Variants in RGS22 observed in about 807,000 individuals in gnomAD.
RGS22 encodes regulator of G protein signaling 22.
In RGS22, 148 loss-of-function variants were observed where a neutral mutation model predicts 172.9. The ratio of observed to expected loss-of-function variants is 0.86; its 90% CI spans 0.75 to 0.98. RGS22 has a LOEUF of 0.98. RGS22 is among the 50% of genes least tolerant of loss of function. RGS22 has a pLI of 0.00. For missense variants in RGS22, 1,347 were observed against 1,440.8 expected, an observed-to-expected ratio of 0.93 and a Z score of 1.05; for synonymous variants, 458 against 480.2, an observed-to-expected ratio of 0.95 and a Z score of 0.60.
intron 18 of RGS22, among the ~76,000 whole-genome samples, chr8:99,999,741 A>G (rs1814825674): frequency 6.6e-6 from 1 of 152,216 alleles, no homozygotes; most frequent in Non-Finnish European, 1.5e-5. Flanking sequence ...AGTATCTCCA[A>G]CTGAAAAATG....
chr8:99,979,238 C>T lies in RGS22; in HGVS notation c.3361-1163G>A, dbSNP rs542022764. Among the ~76,000 whole-genome samples, 24 of 152,264 alleles carry T rather than the reference C, an allele frequency of 1.6e-4. No individual in the cohort carries two copies. In the East Asian group the frequency reaches 4.6e-3, roughly 29 times the overall value. On this transcript the variant is annotated intron_variant, in intron 22 of 27. Coordinates refer to ENST00000360863, the MANE Select transcript of RGS22 (RefSeq NM_015668.5). Reference sequence around the variant, plus strand: ...TACTCCTCCTCCTCTATTAATCATACTTCTCAGTTATCTTTCTAAAACCTG... The same window carrying T: ...TACTCCTCCTCCTCTATTAATCATATTTCTCAGTTATCTTTCTAAAACCTG...
chr8:99,980,781 T>C (rs904373443), intron 22 of RGS22, among the ~76,000 whole-genome samples: 5 of 152,326 alleles, frequency 3.3e-5, no homozygotes, highest in South Asian at 2.1e-4. Context: ...TCCAGACATT[T>C]ACCGTCAGAC....
chr8:100,062,788 C>G, intron 8 of RGS22, 36 bp from the exon 9 acceptor site: 2 of 1,499,364 alleles, frequency 1.3e-6, no homozygotes, highest in South Asian at 2.4e-5. Context: ...TACACACACA[C>G]ATTGGTAGAA....
rs190712215 is a variant in RGS22, at chr8:100,029,201, G to A, written c.2166+9730C>T. Among the ~76,000 whole-genome samples, 344 of 152,182 alleles carry A rather than the reference G, an allele frequency of 2.3e-3. 3 individuals carry two copies. The highest frequency in any genetic ancestry group is 8.0e-3 in the African/African-American group (334 of 41,510). ...CACTGAAGCTGATCCTTCCCCAGTC[G>A]AGCCCCAGATGAGACACTAGCCCTG... On this transcript the variant is annotated intron_variant, in intron 14 of 27. Transcript: ENST00000360863.
At chr8:100,053,004 T>C (rs938142724) in intron 9 of RGS22, 28 bp from the exon 10 acceptor site, 7 of 1,599,142 alleles carry the variant, frequency 4.4e-6, no homozygotes, top group African/African-American at 2.7e-5. Flanking sequence ...AAATGTAAGA[T>C]TGAACTAAAC....
At chr8:100,085,291 T>C (rs1275648178) in intron 3 of RGS22, among the ~76,000 whole-genome samples, 1 of 152,130 alleles carries the variant, frequency 6.6e-6, no homozygotes, top group Non-Finnish European at 1.5e-5. Context: ...AATATCCTAT[T>C]TAATATATTG....
At chr8:100,025,034 A>AAATAAATG (rs1171890590) in intron 14 of RGS22, among the ~76,000 whole-genome samples, 1 of 151,822 alleles carries the variant, frequency 6.6e-6, no homozygotes, top group Admixed American at 6.6e-5. Flanking sequence ...ATAAATAAAT[A>AAATAAATG]AATGAGGATC....
intron 18 of RGS22, among the ~76,000 whole-genome samples, chr8:100,001,380 G>T (rs991185538): frequency 2.0e-5 from 3 of 151,530 alleles, no homozygotes; most frequent in African/African-American, 7.3e-5. Flanking sequence ...GGGATTACAG[G>T]TGTGTGCCAC....
At chr8:99,989,334 A>G (rs916810364) in intron 20 of RGS22, among the ~76,000 whole-genome samples, 3 of 152,200 alleles carry the variant, frequency 2.0e-5, no homozygotes, top group African/African-American at 7.2e-5. Context: ...AAAATAGGCC[A>G]TTTCTAGCCA....
intron 14 of RGS22, among the ~76,000 whole-genome samples, chr8:100,027,505 T>C (rs1271263918): frequency 4.6e-5 from 7 of 152,152 alleles, no homozygotes; most frequent in African/African-American, 1.7e-4. Flanking sequence ...TATTTTGAGA[T>C]GGAGTCTCAC....
intron 9 of RGS22, 40 bp downstream of exon 9, chr8:100,062,551 A>C: frequency 6.5e-6 from 9 of 1,377,856 alleles, no homozygotes; most frequent in Non-Finnish European, 9.1e-6. Context: ...TAACTGGCGT[A>C]AGGAAAGTGA....
At chr8:100,081,362 G>GTGTATATA (rs71572055) in intron 3 of RGS22, among the ~76,000 whole-genome samples, 5 of 143,492 alleles carry the variant, frequency 3.5e-5, no homozygotes, top group East Asian at 2.0e-4. Flanking sequence ...GTGCGTGTAT[G>GTGTATATA]TATATATATA....
At chr8:100,013,737 T>C (rs1287731995) in intron 14 of RGS22, among the ~76,000 whole-genome samples, 2 of 152,200 alleles carry the variant, frequency 1.3e-5, no homozygotes, top group Non-Finnish European at 2.9e-5. Flanking sequence ...ACCAAGCTTT[T>C]CTTCACCTTC....
chr8:100,043,751 G>A (rs115353454), intron 11 of RGS22, among the ~76,000 whole-genome samples: 2,873 of 151,632 alleles, frequency 0.019, 91 homozygotes, highest in East Asian at 0.11. Flanking sequence ...ACTCCAGGCC[G>A]GGCAGAGTGA....
At chr8:100,073,127 A>G (rs1395455383) in intron 4 of RGS22, among the ~76,000 whole-genome samples, 1 of 152,208 alleles carries the variant, frequency 6.6e-6, no homozygotes, top group East Asian at 1.9e-4. Flanking sequence ...AGTACCTTGG[A>G]CACAAAACAT....
At chr8:100,081,033 C>A (rs1393735177) in intron 3 of RGS22, among the ~76,000 whole-genome samples, 2 of 152,072 alleles carry the variant, frequency 1.3e-5, no homozygotes, top group African/African-American at 4.8e-5. Context: ...TTTTTGGGGC[C>A]TCCACTTCCG....
At chr8:99,968,914 A>G (rs1811042008) in intron 23 of RGS22, among the ~76,000 whole-genome samples, 1 of 152,122 alleles carries the variant, frequency 6.6e-6, no homozygotes, top group Non-Finnish European at 1.5e-5. Context: ...GAGCAACCCC[A>G]AGATACATAA....
intron 10 of RGS22, 107 bp downstream of exon 10, chr8:100,052,695 A>G: frequency 1.8e-6 from 2 of 1,095,536 alleles, no homozygotes; most frequent in Admixed American, 4.6e-5. Context: ...GTACATTAGC[A>G]AAAATCACAA....
intron 23 of RGS22, among the ~76,000 whole-genome samples, chr8:99,973,353 T>C (rs1811577853): frequency 6.6e-6 from 1 of 152,186 alleles, no homozygotes; most frequent in Admixed American, 6.5e-5. Flanking sequence ...AATGAGTTCA[T>C]GTCTTTTGCA....
Sources: allele counts gnomAD v4.1 joint callset (sites outside exome capture counted in the v4.1 genomes callset), GRCh38; gene constraint gnomAD v4.1.1; transcripts MANE v1.5; gene names NCBI Gene and HGNC (gene_info 2026-07-23, HGNC 2026-07-21).